KCNQ1: variants seen among roughly 807,000 people sequenced by gnomAD.
KCNQ1 encodes potassium voltage-gated channel subfamily Q member 1.
KCNQ1 carries 49 observed loss-of-function variants against 72.4 expected under a neutral mutation model. That is an observed-to-expected ratio of 0.68 (90% CI 0.54 to 0.86). The LOEUF is 0.86. Ranked by LOEUF, KCNQ1 falls within the 40% of genes least tolerant of loss-of-function variation. KCNQ1 has a pLI of 0.00. For synonymous variants in KCNQ1, 450 were observed against 412.6 expected, an observed-to-expected ratio of 1.09 and a Z score of -1.10; for missense variants, 790 against 945.1, an observed-to-expected ratio of 0.84 and a Z score of 2.15.
Position 2,464,230 on chromosome 11 carries a change from C to T in KCNQ1, c.386+18746C>T, listed in dbSNP as rs567701484. Among the ~76,000 whole-genome samples the T allele has an allele frequency of 5.3e-4, 81 of 152,234 alleles. No homozygotes were observed. The highest frequency in any genetic ancestry group is 1.5e-3 in the South Asian group (7 of 4,822). ...ATGGACGTCCAGGTGTGGAATGGCC[C>T]GGACAGCAGATAACAAGCCTTCGTC... On this transcript the variant is annotated intron_variant, in intron 1 of 15. Transcript: ENST00000155840. The surrounding 1 kb of genome is among the most constrained non-coding windows in gnomAD (Gnocchi z 5.0).
chr11:2,708,729 A>G (rs988268639), intron 11 of KCNQ1, among the ~76,000 whole-genome samples: 1 of 152,068 alleles, frequency 6.6e-6, no homozygotes, highest in Non-Finnish European at 1.5e-5. Flanking sequence ...GGGGCGGTCC[A>G]TTTCCATCTC....
chr11:2,755,876 T>C (rs1474609967), intron 11 of KCNQ1, among the ~76,000 whole-genome samples: 3 of 152,198 alleles, frequency 2.0e-5, no homozygotes, highest in Non-Finnish European at 4.4e-5. Context: ...AATCAATAAA[T>C]ATACAAATTA....
intron 10 of KCNQ1, chr11:2,648,457 T>C: frequency 2.5e-6 from 1 of 398,524 alleles, no homozygotes; most frequent in Non-Finnish European, 4.4e-6. Context: ...CTATACATTT[T>C]TGTATGCTGT....
Position 2,815,293 on chromosome 11 carries a change from C to T in KCNQ1, c.1795-32474C>T, listed in dbSNP as rs2134046493. 6.6e-6 allele frequency among the ~76,000 whole-genome samples: 1 copy of T among 152,300 alleles called. No homozygotes were observed. Among genetic ancestry groups the T allele is most frequent in the Non-Finnish European group, 1.5e-5 (1 of 68,016 alleles). Reference sequence around the variant, plus strand: ...CATCCACACTCCCCACTAGAGCCCACATAGGTCTTATGGGTGCCACAGCAG... The same window carrying T: ...CATCCACACTCCCCACTAGAGCCCATATAGGTCTTATGGGTGCCACAGCAG... On this transcript the variant is annotated intron_variant, in intron 15 of 15. Coordinates refer to ENST00000155840, the MANE Select transcript of KCNQ1 (RefSeq NM_000218.3). The surrounding 1 kb of genome is among the most constrained non-coding windows in gnomAD (Gnocchi z 5.4).
chr11:2,459,640 G>A (rs768312366), intron 1 of KCNQ1, among the ~76,000 whole-genome samples: 5 of 152,126 alleles, frequency 3.3e-5, no homozygotes, highest in East Asian at 1.9e-4. Flanking sequence ...AGTAGAGGGC[G>A]GCCCTGGGGG....
At chr11:2,799,968 T>C (rs1428841948) in intron 15 of KCNQ1, among the ~76,000 whole-genome samples, 2 of 152,116 alleles carry the variant, frequency 1.3e-5, no homozygotes, top group Non-Finnish European at 2.9e-5. Flanking sequence ...AGAACTGAGG[T>C]CCGGAGAGGC....
chr11:2,841,031 G>C (rs1209848857), intron 15 of KCNQ1, among the ~76,000 whole-genome samples: 1 of 152,258 alleles, frequency 6.6e-6, no homozygotes, highest in Non-Finnish European at 1.5e-5. Context: ...GCCTGGCCTA[G>C]AGCTGGGCCT....
intron 15 of KCNQ1, among the ~76,000 whole-genome samples, chr11:2,807,976 G>A (rs1041964488): frequency 6.6e-6 from 1 of 152,194 alleles, no homozygotes; most frequent in Non-Finnish European, 1.5e-5. Flanking sequence ...ACATCTGTAA[G>A]GATGAGACAG....
intron 15 of KCNQ1, among the ~76,000 whole-genome samples, chr11:2,790,772 G>A (rs1298612298): frequency 1.3e-5 from 2 of 152,238 alleles, no homozygotes; most frequent in Admixed American, 1.3e-4. Context: ...TGGCCCAGGA[G>A]GCCTGCTTGG....
chr11:2,633,480 C>A, intron 10 of KCNQ1: 1 of 398,494 alleles, frequency 2.5e-6, no homozygotes, highest in South Asian at 1.3e-4. Context: ...CTTCTGTTTT[C>A]TTCTAGTACT....
intron 1 of KCNQ1, among the ~76,000 whole-genome samples, chr11:2,487,885 C>G (rs1239381352): frequency 6.6e-6 from 1 of 151,892 alleles, no homozygotes; most frequent in Non-Finnish European, 1.5e-5. Flanking sequence ...CCAAATTGCT[C>G]TGGCTAGAAT....
intron 15 of KCNQ1, among the ~76,000 whole-genome samples, chr11:2,822,202 G>C (rs1847751907): frequency 6.6e-6 from 1 of 152,176 alleles, no homozygotes; most frequent in South Asian, 2.1e-4. Flanking sequence ...CCTCCAGCAG[G>C]TATCAGCCCT....
Position 2,620,921 on chromosome 11 carries a change from GTTTT to G in KCNQ1, c.1393+32071_1393+32074del. On this transcript the variant is annotated intron_variant, in intron 10 of 15. Coordinates refer to ENST00000155840, the MANE Select transcript of KCNQ1 (RefSeq NM_000218.3). The surrounding 1 kb of genome is among the most constrained non-coding windows in gnomAD (Gnocchi z 4.5). ...AGATGGCATCCCATTATGGTTTGGTGTTTTTTTGTTGTTGTTGTTTTGTTTTGTT... is the reference window on the plus strand; with the variant it reads ...AGATGGCATCCCATTATGGTTTGGTGTTTGTTGTTGTTGTTTTGTTTTGTT... The G allele has an allele frequency of 2.6e-6, 1 of 386,430 alleles. No individual in the cohort carries two copies. 23.9% of individuals were successfully genotyped at this position (386,430 alleles called of 1,614,324 possible).
In KCNQ1 at chr11:2,772,980, G is replaced by A. The variant is rs969275023; in HGVS notation, c.1591-2980G>A. Among the ~76,000 whole-genome samples the A allele has an allele frequency of 6.6e-6, 1 of 152,190 alleles. No individual in the cohort carries two copies. The highest frequency in any genetic ancestry group is 2.4e-5 in the African/African-American group (1 of 41,436). ...CATGTTCAATGTGTTCTGAAGAGAG[G>A]CTTCGGCCACAGCTGGCTGTGACTC... On this transcript the variant is annotated intron_variant, in intron 12 of 15. Coordinates refer to ENST00000155840, the MANE Select transcript of KCNQ1 (RefSeq NM_000218.3). The surrounding 1 kb of genome is among the most constrained non-coding windows in gnomAD (Gnocchi z 6.6).
Position 2,657,368 on chromosome 11 carries a change from C to T in KCNQ1, c.1394-4593C>T. The T allele has an allele frequency of 2.5e-6, 1 of 398,548 alleles. No homozygotes were observed. Among genetic ancestry groups the T allele is most frequent in the Non-Finnish European group, 4.4e-6 (1 of 226,054 alleles). The allele number at this position is 398,548 out of a possible 1,614,324, so 24.7% of individuals were successfully genotyped here. On this transcript the variant is annotated intron_variant, in intron 10 of 15. Transcript: ENST00000155840. The surrounding 1 kb of genome is among the most constrained non-coding windows in gnomAD (Gnocchi z 4.8). Reference sequence around the variant, plus strand: ...TGAAGGCATATTTCTCCATTTATATCTTCTTCATTGTCTCTTACTAAAGTT... The same window carrying T: ...TGAAGGCATATTTCTCCATTTATATTTTCTTCATTGTCTCTTACTAAAGTT...
At position 2,642,638 on chromosome 11, in the gene KCNQ1, ATATT is replaced by A. The variant is rs1374786509; in HGVS notation, c.1394-19316_1394-19313del. On this transcript the variant is annotated intron_variant, in intron 10 of 15. Coordinates refer to ENST00000155840, the MANE Select transcript of KCNQ1 (RefSeq NM_000218.3). This position sits in a 1 kb window ranked among gnomAD's most constrained non-coding sequence, Gnocchi z 4.3. ...CGATTTTGCATTTCATTGATCCTTT[ATATT>A]TATTTAGTTTCTTGTTTAGTTCTGC... The A allele has an allele frequency of 7.6e-6, 3 of 397,022 alleles. No individual in the cohort carries two copies. Among genetic ancestry groups the A allele is most frequent in the Non-Finnish European group, 1.3e-5 (3 of 225,374 alleles). 24.6% of individuals were successfully genotyped at this position (397,022 alleles called of 1,614,324 possible). A position where few individuals can be genotyped will look rare whatever the true frequency, so the allele number is the denominator to read the frequency against.
At chr11:2,630,521 C>A (rs991289226) in intron 10 of KCNQ1, 13 of 398,100 alleles carry the variant, frequency 3.3e-5, no homozygotes. Context: ...CAAGGTACAC[C>A]TTTTAATATT....
chr11:2,586,456 G>A (rs1217140138), intron 8 of KCNQ1, among the ~76,000 whole-genome samples: 1 of 152,202 alleles, frequency 6.6e-6, no homozygotes, highest in Non-Finnish European at 1.5e-5. Flanking sequence ...GGCCGCCCAC[G>A]CCTGGCAGGG....
Position 2,658,674 on chromosome 11 carries a change from GA to G in KCNQ1, c.1394-3286del. 1 of 398,416 alleles carries G rather than the reference GA, an allele frequency of 2.5e-6. No individual in the cohort carries two copies. The highest frequency in any genetic ancestry group is 4.4e-6 in the Non-Finnish European group (1 of 226,022). The allele number at this position is 398,416 out of a possible 1,614,324, so 24.7% of individuals were successfully genotyped here. ...TCATTGCTTCAGTCTCCTCTCAGTG[GA>G]CAGAGCTAGGAAATATATGTATGTA... On this transcript the variant is annotated intron_variant, in intron 10 of 15. Coordinates refer to ENST00000155840, the MANE Select transcript of KCNQ1 (RefSeq NM_000218.3). This position sits in a 1 kb window ranked among gnomAD's most constrained non-coding sequence, Gnocchi z 4.9.
Sources: gnomAD v4.1 joint callset for allele counts (sites outside exome capture counted in the v4.1 genomes callset) on GRCh38, gnomAD v4.1.1 for gene constraint, Gnocchi (gnomAD v3.1) non-coding constraint, MANE v1.5 for transcripts, NCBI Gene and HGNC (gene_info 2026-07-23, HGNC 2026-07-21) for gene names.